ERBIN: variants seen among roughly 807,000 people sequenced by gnomAD.
The protein encoded by ERBIN is densin-180-like protein.
A neutral mutation model predicts 158.4 loss-of-function variants in ERBIN; 60 were observed. The ratio of observed to expected loss-of-function variants is 0.38; its 90% CI spans 0.31 to 0.47. ERBIN has a LOEUF of 0.47. ERBIN is among the 20% of genes least tolerant of loss of function. The pLI is 0.99. For synonymous variants in ERBIN, 594 were observed against 557.2 expected (o/e 1.07, Z -0.93); for missense variants, 1,610 against 1,648.0 (o/e 0.98, Z 0.40).
At chr5:66,065,119 G>A (rs1760844264) in intron 21 of ERBIN, among the ~76,000 whole-genome samples, 1 of 152,178 alleles carries the variant, frequency 6.6e-6, no homozygotes, top group Admixed American at 6.5e-5. Flanking sequence ...TGAATTTGAT[G>A]TGATGACTGT....
intron 4 of ERBIN, among the ~76,000 whole-genome samples, chr5:66,008,374 G>T (rs1242070943): frequency 6.6e-6 from 1 of 152,152 alleles, no homozygotes; most frequent in Non-Finnish European, 1.5e-5. Flanking sequence ...AGCTGAGATC[G>T]CGCCACTGCA....
At chr5:65,971,844 C>G (rs1399224991) in intron 1 of ERBIN, among the ~76,000 whole-genome samples, 1 of 152,078 alleles carries the variant, frequency 6.6e-6, no homozygotes, top group African/African-American at 2.4e-5. Flanking sequence ...GTCAGGTGCC[C>G]GTTCCCTTTC....
intron 14 of ERBIN, among the ~76,000 whole-genome samples, chr5:66,029,521 C>T (rs987688113): frequency 6.6e-6 from 1 of 151,878 alleles, no homozygotes; most frequent in Non-Finnish European, 1.5e-5. Context: ...CGCAAGGATT[C>T]TTCATAGTTT....
chr5:66,064,454 A>G (rs918629255), intron 21 of ERBIN, among the ~76,000 whole-genome samples: 3 of 152,186 alleles, frequency 2.0e-5, no homozygotes, highest in African/African-American at 7.2e-5. Context: ...TGATATTTTT[A>G]TTATCTCATT....
intron 21 of ERBIN, among the ~76,000 whole-genome samples, chr5:66,063,464 A>G (rs544859986): frequency 2.0e-5 from 3 of 152,210 alleles, no homozygotes; most frequent in East Asian, 3.9e-4. Context: ...TAGGAAAGGG[A>G]ATTCCTTGAC....
chr5:66,048,415 C>T (rs1183384095), intron 18 of ERBIN, among the ~76,000 whole-genome samples: 2 of 151,722 alleles, frequency 1.3e-5, no homozygotes, highest in Admixed American at 6.6e-5. Flanking sequence ...ACGTGAACAT[C>T]TCAGTATAAA....
chr5:66,009,494 T>A (rs1223940373), intron 4 of ERBIN, among the ~76,000 whole-genome samples: 1 of 152,134 alleles, frequency 6.6e-6, no homozygotes, highest in Non-Finnish European at 1.5e-5. Flanking sequence ...CTAGCAATAA[T>A]ACAAAGAGTA....
Position 66,078,716 on chromosome 5 carries a change from A to G in ERBIN, c.*186A>G. 3.6e-6 allele frequency: 2 copies of G among 562,082 alleles called. No homozygotes were observed. Among genetic ancestry groups the G allele is most frequent in the Non-Finnish European group, 3.1e-6 (1 of 318,780 alleles). The allele number at this position is 562,082 out of a possible 1,614,324, so 34.8% of individuals were successfully genotyped here. ...AGAACCACTGTACAGAATATAAAGG[A>G]GACTGTTGAATTCATACCATATAAA... On this transcript the variant is annotated 3_prime_UTR_variant, in exon 26 of 26. Transcript: ENST00000284037.
At chr5:65,994,904 C>A in intron 4 of ERBIN, 40 bp downstream of exon 4, 1 of 1,156,038 alleles carries the variant, frequency 8.7e-7, no homozygotes, top group Non-Finnish European at 1.3e-6. Context: ...TACTTGGGAA[C>A]ATGTTTCATT....
At chr5:66,047,257 C>T (rs921360905) in intron 18 of ERBIN, among the ~76,000 whole-genome samples, 16 of 152,040 alleles carry the variant, frequency 1.1e-4, no homozygotes, top group African/African-American at 3.4e-4. Context: ...GTCTGTTTCA[C>T]CTAGCATAAT....
chr5:65,954,844 C>CAT (rs1746909221), intron 1 of ERBIN, among the ~76,000 whole-genome samples: 1 of 151,538 alleles, frequency 6.6e-6, no homozygotes, highest in African/African-American at 2.4e-5. Flanking sequence ...GGTGGGGGAT[C>CAT]ACTTGAGGTC....
At chr5:66,043,310 G>GAGGACAAGGAATAAA in intron 16 of ERBIN, 112 bp downstream of exon 16, 2 of 1,077,244 alleles carry the variant, frequency 1.9e-6, no homozygotes, top group Non-Finnish European at 2.7e-6. Context: ...TTTATTCCTT[G>GAGGACAAGGAATAAA]TCCTCAAGGC....
intron 1 of ERBIN, among the ~76,000 whole-genome samples, chr5:65,933,883 T>C (rs1209214984): frequency 6.6e-6 from 1 of 152,158 alleles, no homozygotes; most frequent in Non-Finnish European, 1.5e-5. Flanking sequence ...GCTAACATGA[T>C]GCCCTGTCGT....
intron 1 of ERBIN, among the ~76,000 whole-genome samples, chr5:65,963,134 CTACTT>C (rs1271162484): frequency 6.6e-6 from 1 of 152,280 alleles, no homozygotes; most frequent in East Asian, 1.9e-4. Flanking sequence ...ATTAAAATAA[CTACTT>C]TAGAATAGCT....
In ERBIN at chr5:66,057,977, G is replaced by T. The variant is rs190537597; in HGVS notation, c.3633+3026G>T. On this transcript the variant is annotated intron_variant, in intron 21 of 25. Transcript: ENST00000284037. ...GGTTCCAAGTCTTTGCTATTGTGAA[G>T]AGTGCCACAATAAACATACGTGTGC... is the stretch of plus-strand genomic sequence containing the variant. 7.0e-4 allele frequency among the ~76,000 whole-genome samples: 107 copies of T among 151,936 alleles called. 1 individual carries two copies. In the East Asian group the frequency reaches 0.019, roughly 26 times the overall value.
chr5:65,935,351 TG>T (rs1240934875), intron 1 of ERBIN, among the ~76,000 whole-genome samples: 1 of 151,720 alleles, frequency 6.6e-6, no homozygotes, highest in African/African-American at 2.4e-5. Context: ...CACTCTAAGT[TG>T]TTTTTTTTCC....
intron 20 of ERBIN, among the ~76,000 whole-genome samples, chr5:66,051,774 A>C (rs956061624): frequency 6.6e-6 from 1 of 151,986 alleles, no homozygotes; most frequent in African/African-American, 2.4e-5. Flanking sequence ...ATGTGCCTGT[A>C]GTCCCAGCTA....
At chr5:66,014,758 A>C (rs1257276408) in intron 7 of ERBIN, 33 bp downstream of exon 7, 8 of 1,098,806 alleles carry the variant, frequency 7.3e-6, no homozygotes, top group Non-Finnish European at 1.0e-5. Context: ...AAAAAACTTA[A>C]TTTATAATTT....
intron 1 of ERBIN, among the ~76,000 whole-genome samples, chr5:65,950,159 C>T (rs1746326990): frequency 6.6e-6 from 1 of 152,086 alleles, no homozygotes; most frequent in African/African-American, 2.4e-5. Flanking sequence ...GCGTGTGCCA[C>T]CATGCCCAGC....
Sources: gnomAD v4.1 joint callset for allele counts (sites outside exome capture counted in the v4.1 genomes callset) on GRCh38, gnomAD v4.1.1 for gene constraint, MANE v1.5 for transcripts, NCBI Gene and HGNC (gene_info 2026-07-23, HGNC 2026-07-21) for gene names.